Variants in RUNDC3B observed in about 807,000 individuals in gnomAD.
RUNDC3B encodes the protein RUN domain-containing protein 3B.
Under a neutral mutation model 58.4 loss-of-function variants are expected in RUNDC3B, and 33 were observed. The observed-to-expected ratio is 0.56, with a 90% CI of 0.43 to 0.75. The LOEUF is 0.75. Among genes scored for constraint, RUNDC3B ranks in the 30% least tolerant of loss-of-function variants. RUNDC3B has a pLI of 0.00. For synonymous variants in RUNDC3B, 193 were observed against 195.2 expected (o/e 0.99, Z 0.10); for missense variants, 501 against 535.7 (o/e 0.94, Z 0.64).
intron 10 of RUNDC3B, among the ~76,000 whole-genome samples, chr7:87,822,601 C>T (rs765143023): frequency 8.5e-5 from 13 of 152,198 alleles, no homozygotes; most frequent in East Asian, 1.9e-4. Context: ...ATGTTTATAG[C>T]GGCACTATTC....
At chr7:87,635,682 C>T (rs1181426403) in intron 1 of RUNDC3B, among the ~76,000 whole-genome samples, 1 of 152,166 alleles carries the variant, frequency 6.6e-6, no homozygotes, top group African/African-American at 2.4e-5. Context: ...CAGCTCAATT[C>T]ATTTTTGTGG....
intron 4 of RUNDC3B, among the ~76,000 whole-genome samples, chr7:87,720,747 C>G (rs187319784): frequency 6.6e-6 from 1 of 151,460 alleles, no homozygotes; most frequent in African/African-American, 2.4e-5. Context: ...ACTACAGACG[C>G]GTGCCACCAC....
intron 10 of RUNDC3B, among the ~76,000 whole-genome samples, chr7:87,828,153 T>G (rs1311276232): frequency 2.0e-5 from 3 of 151,946 alleles, no homozygotes; most frequent in Non-Finnish European, 4.4e-5. Context: ...CAGGGAAATA[T>G]AAGCTGAAAT....
chr7:87,754,576 TAACCAA>T (rs1833243953), intron 6 of RUNDC3B, among the ~76,000 whole-genome samples: 1 of 151,338 alleles, frequency 6.6e-6, no homozygotes. Flanking sequence ...CAAAAGACAA[TAACCAA>T]AATCAGAGCT....
chr7:87,724,415 AT>A (rs1831093306), intron 4 of RUNDC3B, among the ~76,000 whole-genome samples: 2 of 152,172 alleles, frequency 1.3e-5, no homozygotes, highest in Admixed American at 1.3e-4. Flanking sequence ...TAAGTCTAAA[AT>A]ATATTTAGAT....
chr7:87,826,507 A>G (rs1004584145), intron 10 of RUNDC3B, among the ~76,000 whole-genome samples: 65 of 152,040 alleles, frequency 4.3e-4, no homozygotes, highest in African/African-American at 1.5e-3. Context: ...GATTTGAAAG[A>G]AAACTTAATC....
At chr7:87,713,567 G>A (rs979557724) in intron 4 of RUNDC3B, among the ~76,000 whole-genome samples, 1 of 151,476 alleles carries the variant, frequency 6.6e-6, no homozygotes, top group Admixed American at 6.6e-5. Context: ...ACATGGCTTA[G>A]GGATTGGGGT....
chr7:87,707,960 G>T (rs1829754262), intron 3 of RUNDC3B, among the ~76,000 whole-genome samples: 1 of 151,974 alleles, frequency 6.6e-6, no homozygotes, highest in South Asian at 2.1e-4. Context: ...AATTGAAATT[G>T]AAAAATATTT....
At chr7:87,728,055 G>A (rs1187529160) in intron 4 of RUNDC3B, among the ~76,000 whole-genome samples, 1 of 151,866 alleles carries the variant, frequency 6.6e-6, no homozygotes, top group Non-Finnish European at 1.5e-5. Flanking sequence ...ATTTGTGAAG[G>A]GCTTATATGA....
chr7:87,738,922 T>G (rs1832151400), intron 4 of RUNDC3B, among the ~76,000 whole-genome samples: 1 of 151,924 alleles, frequency 6.6e-6, no homozygotes, highest in African/African-American at 2.4e-5. Context: ...ACTAAAATGT[T>G]TCATTTTAGT....
chr7:87,715,966 A>G (rs1830532624), intron 4 of RUNDC3B, among the ~76,000 whole-genome samples: 1 of 152,312 alleles, frequency 6.6e-6, no homozygotes. Flanking sequence ...TATCATTAAA[A>G]TACTTGATGA....
At chr7:87,645,123 C>T (rs1317611750) in intron 1 of RUNDC3B, among the ~76,000 whole-genome samples, 20 of 143,772 alleles carry the variant, frequency 1.4e-4, no homozygotes, top group African/African-American at 4.9e-4. Flanking sequence ...GCTCTTGTTG[C>T]TCAGGCCGGA....
intron 2 of RUNDC3B, among the ~76,000 whole-genome samples, chr7:87,688,738 TAAA>T (rs1827724625): frequency 6.6e-6 from 1 of 152,034 alleles, no homozygotes; most frequent in African/African-American, 2.4e-5. Flanking sequence ...TTTGAATGTC[TAAA>T]ATTTTATAAC....
Position 87,628,897 on chromosome 7 carries a change from G to A in RUNDC3B, c.74G>A (p.Ser25Asn), listed in dbSNP as rs1820887413. The change falls in exon 1 of 11, where the codon AGC becomes AAC. Residue 25 changes from serine to asparagine, a missense_variant. By Grantham distance (46) the Ser-to-Asn change is conservative (BLOSUM62 1). Transcript: ENST00000394654. ...GGGGGGKKSL[S>N]ARNAAVERRN... Reference sequence around the variant, plus strand: ...GGCGGAGGCGGCAAGAAAAGCCTGAGCGCCCGCAATGCTGCGGTGGAGAGG... The same window carrying A: ...GGCGGAGGCGGCAAGAAAAGCCTGAACGCCCGCAATGCTGCGGTGGAGAGG... The A allele has an allele frequency of 1.5e-6, 2 of 1,304,938 alleles. No homozygotes were observed. Among genetic ancestry groups the A allele is most frequent in the African/African-American group, 1.5e-5 (1 of 66,338 alleles). The allele number at this position is 1,304,938 out of a possible 1,614,324, so 80.8% of individuals were successfully genotyped here. A position where few individuals can be genotyped will look rare whatever the true frequency, so the allele number is the denominator to read the frequency against.
intron 5 of RUNDC3B, among the ~76,000 whole-genome samples, chr7:87,740,491 T>C (rs945242080): frequency 6.6e-6 from 1 of 152,156 alleles, no homozygotes; most frequent in African/African-American, 2.4e-5. Flanking sequence ...TTTTACATTA[T>C]ATTGAAAGTA....
At chr7:87,673,993 CT>C (rs1826075817) in intron 2 of RUNDC3B, among the ~76,000 whole-genome samples, 1 of 152,206 alleles carries the variant, frequency 6.6e-6, no homozygotes. Flanking sequence ...TAGCTCAGCA[CT>C]CCTCGGCTGT....
intron 2 of RUNDC3B, among the ~76,000 whole-genome samples, chr7:87,699,628 A>G (rs756888494): frequency 6.6e-6 from 1 of 152,100 alleles, no homozygotes; most frequent in African/African-American, 2.4e-5. Context: ...CTGGCCTCGA[A>G]CTCCTGGCCT....
chr7:87,726,354 T>G (rs1831229172), intron 4 of RUNDC3B, among the ~76,000 whole-genome samples: 1 of 152,208 alleles, frequency 6.6e-6, no homozygotes, highest in African/African-American at 2.4e-5. Flanking sequence ...AGGGAATCCT[T>G]TCCCCATTGC....
chr7:87,719,122 T>TAATAACACATAAAATCAATATTC (rs1830720300), intron 4 of RUNDC3B, among the ~76,000 whole-genome samples: 2 of 151,868 alleles, frequency 1.3e-5, no homozygotes, highest in Admixed American at 6.6e-5. Flanking sequence ...ACAGGTAACA[T>TAATAACACATAAAATCAATATTC]AATAACACAT....
Sources: allele counts gnomAD v4.1 joint callset (sites outside exome capture counted in the v4.1 genomes callset), GRCh38; gene constraint gnomAD v4.1.1; transcripts MANE v1.5; gene names NCBI Gene and HGNC (gene_info 2026-07-23, HGNC 2026-07-21).